Variants in ATG7 observed in about 807,000 individuals in gnomAD.
The protein encoded by ATG7 is autophagy related 7.
A neutral mutation model predicts 82.4 loss-of-function variants in ATG7; 70 were observed. That is an observed-to-expected ratio of 0.85 (90% confidence interval 0.70 to 1.04). The LOEUF (loss-of-function observed/expected upper bound fraction) is 1.04. Among genes scored for constraint, ATG7 ranks in the 50% least tolerant of loss-of-function variants. ATG7 has a pLI of 0.00. For missense variants in ATG7, 792 were observed against 864.3 expected, an observed-to-expected ratio of 0.92 and a Z score of 1.05; for synonymous variants, 287 against 313.0, an observed-to-expected ratio of 0.92 and a Z score of 0.88.
At position 11,527,314 on chromosome 3, in the gene ATG7, A is replaced by G. The variant is rs544972089; in HGVS notation, c.2080-27497A>G. On this transcript the variant is annotated intron_variant, in intron 20 of 20. Coordinates refer to ENST00000693202, the MANE Select transcript of ATG7 (RefSeq NM_001349232.2). Reference sequence around the variant, plus strand: ...GAGATGGGGTTTCGCCATGTTGGCCAGGTTGAACTCCTGACCTCAGGTGAT... The same window carrying G: ...GAGATGGGGTTTCGCCATGTTGGCCGGGTTGAACTCCTGACCTCAGGTGAT... Among the ~76,000 whole-genome samples the G allele has an allele frequency of 2.6e-3, 391 of 152,220 alleles. 2 individuals are homozygous for G. The highest frequency in any genetic ancestry group is 9.1e-3 in the African/African-American group (380 of 41,534).
At chr3:11,439,066 T>C (rs2083622398) in intron 20 of ATG7, among the ~76,000 whole-genome samples, 1 of 73,402 alleles carries the variant, frequency 1.4e-5, no homozygotes, top group Non-Finnish European at 2.6e-5. Context: ...CTTTTCTTTC[T>C]TTCTTTTTTT....
At chr3:11,332,791 G>A (rs1951839930) in intron 10 of ATG7, 181 bp from the exon 11 acceptor site, 1 of 498,182 alleles carries the variant, frequency 2.0e-6, no homozygotes, top group Non-Finnish European at 3.1e-6. Context: ...CACTTGGACA[G>A]AGGAGCCATA....
rs953945215 is a variant in ATG7, at chr3:11,514,037, AT to A, written c.2080-40765del. Among the ~76,000 whole-genome samples the A allele has an allele frequency of 2.6e-5, 4 of 151,508 alleles. No homozygotes were observed. In the East Asian group the frequency reaches 5.8e-4, roughly 22 times the overall value. ...ACTCATGTGCCACTATGCCAAGCTA[AT>A]TTTTTTTTGGTTTTTTAGTAGAGAC... On this transcript the variant is annotated intron_variant, in intron 20 of 20. Transcript: ENST00000693202.
At chr3:11,417,583 A>G (rs892364792) in intron 19 of ATG7, among the ~76,000 whole-genome samples, 7 of 151,972 alleles carry the variant, frequency 4.6e-5, no homozygotes, top group Non-Finnish European at 4.4e-5. Context: ...TCTTTTAGAT[A>G]CCATATAATT....
At chr3:11,317,022 A>G (rs961042620) in intron 9 of ATG7, among the ~76,000 whole-genome samples, 2 of 151,822 alleles carry the variant, frequency 1.3e-5, no homozygotes, top group African/African-American at 4.8e-5. Flanking sequence ...TTGTATTTTT[A>G]TTAGAGATGG....
At chr3:11,526,578 T>G (rs1206269941) in intron 20 of ATG7, among the ~76,000 whole-genome samples, 6 of 152,246 alleles carry the variant, frequency 3.9e-5, no homozygotes, top group Non-Finnish European at 8.8e-5. Context: ...CTATTGATTT[T>G]TGTATGTTGA....
At chr3:11,573,174 A>C in the ATG7 span, among the ~76,000 whole-genome samples, 23 of 151,534 alleles carry the variant, frequency 1.5e-4, no homozygotes, top group Admixed American at 4.0e-4. Context: ...TCAAGAAAGA[A>C]AGACAGACAG....
intron 19 of ATG7, among the ~76,000 whole-genome samples, chr3:11,408,047 G>T (rs1305764777): frequency 6.6e-6 from 1 of 152,198 alleles, no homozygotes; most frequent in Admixed American, 6.5e-5. Flanking sequence ...TTGTCAGGCT[G>T]CAAACTTTCT....
intron 20 of ATG7, among the ~76,000 whole-genome samples, chr3:11,486,820 GTTTTT>G (rs34251925): frequency 4.5e-5 from 6 of 132,026 alleles, no homozygotes; most frequent in East Asian, 2.1e-4. Flanking sequence ...CTTTGGTTCT[GTTTTT>G]TTTTTTTTTT....
chr3:11,461,123 G>A (rs187695020), intron 20 of ATG7, among the ~76,000 whole-genome samples: 1 of 152,204 alleles, frequency 6.6e-6, no homozygotes, highest in African/African-American at 2.4e-5. Context: ...AAAGGGTGGG[G>A]CAGGGTTTGT....
intron 11 of ATG7, among the ~76,000 whole-genome samples, chr3:11,337,486 C>CTATA (rs202088956): frequency 2.4e-4 from 34 of 139,530 alleles, no homozygotes; most frequent in African/African-American, 4.5e-4. Flanking sequence ...CTCTCTCTCT[C>CTATA]TCTATATATA....
intron 20 of ATG7, among the ~76,000 whole-genome samples, chr3:11,502,724 A>G (rs1161139060): frequency 1.3e-5 from 2 of 152,146 alleles, no homozygotes; most frequent in Non-Finnish European, 2.9e-5. Flanking sequence ...GAAAGCCAGT[A>G]TTTCCCATAG....
At chr3:11,328,089 A>G (rs1261381653) in intron 9 of ATG7, among the ~76,000 whole-genome samples, 1 of 152,206 alleles carries the variant, frequency 6.6e-6, no homozygotes, top group Non-Finnish European at 1.5e-5. Flanking sequence ...CTGCATCAGA[A>G]TTATTCAGGA....
At chr3:11,569,469 C>T in the ATG7 span, among the ~76,000 whole-genome samples, 2 of 152,242 alleles carry the variant, frequency 1.3e-5, no homozygotes, top group South Asian at 2.1e-4. Context: ...GGCAAAGCAG[C>T]CCGTCCCCAT....
At chr3:11,489,349 G>A (rs1199917761) in intron 20 of ATG7, among the ~76,000 whole-genome samples, 19 of 151,978 alleles carry the variant, frequency 1.3e-4, no homozygotes, top group East Asian at 3.9e-4. Context: ...TTTTTATTGC[G>A]TCTATTTGAT....
chr3:11,534,973 A>G (rs1299805931), intron 20 of ATG7, among the ~76,000 whole-genome samples: 1 of 152,202 alleles, frequency 6.6e-6, no homozygotes, highest in African/African-American at 2.4e-5. Context: ...GCTGCAATTC[A>G]GTGCTCATCT....
chr3:11,468,684 C>T (rs1431954767), intron 20 of ATG7, among the ~76,000 whole-genome samples: 1 of 152,166 alleles, frequency 6.6e-6, no homozygotes, highest in Admixed American at 6.5e-5. Flanking sequence ...AGCCCTGTGA[C>T]CTGTTCCTCT....
chr3:11,404,297 G>A (rs898691068), intron 19 of ATG7, among the ~76,000 whole-genome samples: 3 of 151,578 alleles, frequency 2.0e-5, no homozygotes, highest in Admixed American at 6.6e-5. Flanking sequence ...CACCATGCCC[G>A]ACTAATTTTT....
intron 14 of ATG7, among the ~76,000 whole-genome samples, chr3:11,353,957 C>T (rs1014470067): frequency 5.9e-5 from 9 of 152,214 alleles, no homozygotes; most frequent in African/African-American, 2.2e-4. Flanking sequence ...TTCTGGGTGA[C>T]AGACTTCAAG....
Sources: gnomAD v4.1 joint callset for allele counts (sites outside exome capture counted in the v4.1 genomes callset) on GRCh38, gnomAD v4.1.1 for gene constraint, MANE v1.5 for transcripts, NCBI Gene and HGNC (gene_info 2026-07-23, HGNC 2026-07-21) for gene names.